Variants in CEP350 observed in about 807,000 individuals in gnomAD.
CEP350 encodes centrosomal protein 350.
A neutral mutation model predicts 331.8 loss-of-function variants in CEP350; 126 were observed. The observed-to-expected ratio is 0.38, with a 90% CI of 0.33 to 0.44. The LOEUF is 0.44. CEP350 is among the 20% of genes least tolerant of loss of function. The pLI, the probability that CEP350 is intolerant of heterozygous loss-of-function variation, is 1.00. For missense variants in CEP350, 3,406 were observed against 3,634.6 expected, an observed-to-expected ratio of 0.94 and a Z score of 1.62; for synonymous variants, 1,200 against 1,259.5, an observed-to-expected ratio of 0.95 and a Z score of 1.00.
intron 27 of CEP350, among the ~76,000 whole-genome samples, chr1:180,070,792 A>T (rs1224826280): frequency 6.6e-6 from 1 of 152,244 alleles, no homozygotes; most frequent in Non-Finnish European, 1.5e-5. Context: ...AAAGTGCTAG[A>T]TGGCTAATTA....
chr1:180,062,087 T>A, intron 25 of CEP350, 133 bp from the exon 26 acceptor site: 1 of 792,144 alleles, frequency 1.3e-6, no homozygotes, highest in South Asian at 6.1e-5. Context: ...TTTAAACTTT[T>A]CAGTATTACT....
intron 27 of CEP350, 50 bp downstream of exon 27, chr1:180,065,322 C>T: frequency 6.7e-7 from 1 of 1,492,688 alleles, no homozygotes; most frequent in African/African-American, 1.4e-5. Context: ...GAAAGTAGTA[C>T]AACAAATAAC....
At chr1:180,075,949 G>A (rs1337475028) in intron 28 of CEP350, among the ~76,000 whole-genome samples, 2 of 150,274 alleles carry the variant, frequency 1.3e-5, no homozygotes, top group Non-Finnish European at 3.0e-5. Context: ...GCGAGACTCC[G>A]TATCTCAAGG....
chr1:180,055,244 C>T (rs1657743499), intron 25 of CEP350, among the ~76,000 whole-genome samples: 1 of 152,128 alleles, frequency 6.6e-6, no homozygotes, highest in African/African-American at 2.4e-5. Context: ...TAATCATGGT[C>T]AAAGTTTAAG....
At chr1:180,052,181 A>G in intron 22 of CEP350, 1 of 453,880 alleles carries the variant, frequency 2.2e-6, no homozygotes, top group Non-Finnish European at 4.4e-6. Flanking sequence ...AGTAACAAGG[A>G]CAACTAGTGC....
chr1:180,080,635 A>T lies in CEP350; in HGVS notation c.6098A>T (p.Asp2033Val), dbSNP rs748777210. ...CATCAGCACTGTTATAGTTGGTCAG[A>T]TGAGTCATTATCTATGACACAGTCA... The part of the protein sequence containing the change: ...KSHQHCYSWS[D>V]ESLSMTQSET... The change falls in exon 30 of 38, where the codon GAT (aspartate) becomes GTT (valine). Residue 2033 changes from aspartate to valine, a missense_variant. Around this residue, in one of 5 missense-constraint regions of CEP350, gnomAD observed 1,415 missense variants for 1,512.3 expected, o/e 0.94. Transcript: ENST00000367607. 1.2e-6 allele frequency: 2 copies of T among 1,613,874 alleles called. No individual in the cohort carries two copies.
chr1:179,955,201 T>G, intron 1 of CEP350, 59 bp downstream of exon 1: 48 of 1,240,044 alleles, frequency 3.9e-5, no homozygotes, highest in East Asian at 1.0e-4. Flanking sequence ...CAACTGTCTC[T>G]GTCCGCGGTC....
chr1:180,066,672 G>A (rs116146668), intron 27 of CEP350, among the ~76,000 whole-genome samples: 307 of 152,262 alleles, frequency 2.0e-3, no homozygotes, highest in African/African-American at 6.9e-3. Context: ...ACAAATATAT[G>A]AATGAATGTT....
At chr1:180,097,178 C>T (rs1372578633) in intron 36 of CEP350, among the ~76,000 whole-genome samples, 2 of 152,246 alleles carry the variant, frequency 1.3e-5, no homozygotes, top group African/African-American at 2.4e-5. Flanking sequence ...ATCCAGGCCC[C>T]TGTATGTTTT....
chr1:180,037,423 T>C (rs1026259802), intron 17 of CEP350, among the ~76,000 whole-genome samples: 4 of 151,806 alleles, frequency 2.6e-5, no homozygotes, highest in African/African-American at 9.7e-5. Context: ...TTTTTTTTTT[T>C]TTTTTAAGTT....
In CEP350 at chr1:180,020,720, C is replaced by T. The variant is rs532094896; in HGVS notation, c.2946C>T (p.Val982=). The T allele has an allele frequency of 2.2e-5, 36 of 1,613,996 alleles. No individual in the cohort carries two copies. The South Asian group carries it at 3.7e-4, about 17-fold the overall frequency. Residue 982 remains valine, a synonymous_variant, in exon 12 of 38, where the codon GTC becomes GTT. Coordinates refer to ENST00000367607, the MANE Select transcript of CEP350 (RefSeq NM_014810.5). The part of the protein sequence containing the change: ...KISLGSSIDS[V]SEGPLLSEGS... ...CTCTTGGTTCCAGCATAGATTCAGTCAGTGAAGGGCCTCTTCTTAGTGAGG... is the reference window on the plus strand; with the variant it reads ...CTCTTGGTTCCAGCATAGATTCAGTTAGTGAAGGGCCTCTTCTTAGTGAGG...
chr1:179,997,543 CAAAA>C (rs1219449623), intron 6 of CEP350, among the ~76,000 whole-genome samples: 1 of 81,204 alleles, frequency 1.2e-5, no homozygotes, highest in Non-Finnish European at 2.6e-5. Context: ...GACTCGGTCT[CAAAA>C]AAAAAAAAAA....
intron 27 of CEP350, among the ~76,000 whole-genome samples, chr1:180,068,509 T>TTACTGTAAA (rs1658680368): frequency 6.6e-6 from 1 of 152,138 alleles, no homozygotes; most frequent in Non-Finnish European, 1.5e-5. Context: ...CTGTGAGGGA[T>TTACTGTAAA]ATTATTTACA....
intron 8 of CEP350, among the ~76,000 whole-genome samples, chr1:180,007,134 A>G (rs539322938): frequency 6.6e-6 from 1 of 152,254 alleles, no homozygotes; most frequent in Admixed American, 6.5e-5. Context: ...CAATAATGGG[A>G]TTCCTGAGTC....
At chr1:180,022,928 C>T in intron 13 of CEP350, 80 bp downstream of exon 13, 3 of 1,361,390 alleles carry the variant, frequency 2.2e-6, no homozygotes, top group Non-Finnish European at 3.0e-6. Context: ...TGAATATTAG[C>T]CAAGTTTTGC....
chr1:179,997,200 C>T, intron 6 of CEP350, 25 bp downstream of exon 6: 2 of 1,582,772 alleles, frequency 1.3e-6, no homozygotes, highest in Non-Finnish European at 1.7e-6. Context: ...TTTATATCTT[C>T]CTCTCCCTGC....
rs147963738 is a variant in CEP350, at chr1:180,071,316, G to T, written c.5568-3706G>T. Among the ~76,000 whole-genome samples the T allele has an allele frequency of 4.4e-3, 654 of 147,840 alleles. 6 individuals are homozygous for T. The highest frequency in any genetic ancestry group is 0.016 in the African/African-American group (622 of 39,968). On this transcript the variant is annotated intron_variant, in intron 27 of 37. Transcript: ENST00000367607. ...CTACTAAAAATCCAAAAAATTAGCC[G>T]GGCGTGGTGATGCGCGCCTGTAATC...
chr1:180,042,975 T>A, intron 19 of CEP350, 81 bp from the exon 20 acceptor site: 1 of 1,467,854 alleles, frequency 6.8e-7, no homozygotes, highest in Non-Finnish European at 9.2e-7. Flanking sequence ...TGATCTTTCT[T>A]TCCAAGACAC....
chr1:179,985,799 T>C (rs1486098956), intron 1 of CEP350, among the ~76,000 whole-genome samples: 1 of 152,180 alleles, frequency 6.6e-6, no homozygotes, highest in Non-Finnish European at 1.5e-5. Flanking sequence ...TGGTCCCGCC[T>C]ATGACACTTG....
Sources: gnomAD v4.1 joint callset for allele counts (sites outside exome capture counted in the v4.1 genomes callset) on GRCh38, gnomAD v4.1.1 for gene constraint, gnomAD v4.1.1 regional missense constraint, MANE v1.5 for transcripts, NCBI Gene and HGNC (gene_info 2026-07-23, HGNC 2026-07-21) for gene names.